RSPO2: variants seen among roughly 807,000 people sequenced by gnomAD.
RSPO2 encodes R-spondin 2, also known as R-spondin-2.
RSPO2 carries 14 observed loss-of-function variants against 30.9 expected under a neutral mutation model. The ratio of observed to expected loss-of-function variants is 0.45; its 90% CI spans 0.30 to 0.71. RSPO2 has a LOEUF of 0.71. RSPO2 is among the 30% of genes least tolerant of loss of function. The probability of loss-of-function intolerance (pLI) is 0.08; values close to 1 mark genes in which losing one functional copy is unlikely to be tolerated. For missense variants in RSPO2, 264 were observed against 301.9 expected (o/e 0.87, Z 0.93); for synonymous variants, 107 against 96.4 (o/e 1.11, Z -0.64).
chr8:107,969,469 A>T (rs1242391229), intron 3 of RSPO2, among the ~76,000 whole-genome samples: 1 of 152,182 alleles, frequency 6.6e-6, no homozygotes, highest in East Asian at 1.9e-4. Context: ...TTTAAATGTT[A>T]TATCTTGCCC....
At chr8:107,905,062 C>T (rs1328372265) in intron 5 of RSPO2, among the ~76,000 whole-genome samples, 1 of 152,076 alleles carries the variant, frequency 6.6e-6, no homozygotes, top group Non-Finnish European at 1.5e-5. Flanking sequence ...AAGATATAGG[C>T]AGACTCACAA....
intron 4 of RSPO2, 24 bp from the exon 5 acceptor site, chr8:107,958,292 A>G: frequency 1.9e-6 from 3 of 1,564,064 alleles, no homozygotes; most frequent in Non-Finnish European, 1.8e-6. Flanking sequence ...TTAGAAAAAG[A>G]AAAAAAAACA....
intron 2 of RSPO2, among the ~76,000 whole-genome samples, chr8:108,066,040 AAAAAAAAG>A (rs1324523924): frequency 3.3e-5 from 5 of 151,952 alleles, no homozygotes; most frequent in African/African-American, 1.2e-4. Flanking sequence ...ACTCCATCTC[AAAAAAAAG>A]AAAAAAAGAA....
chr8:108,049,746 T>C (rs977354367), intron 2 of RSPO2, among the ~76,000 whole-genome samples: 5 of 152,186 alleles, frequency 3.3e-5, no homozygotes, highest in Non-Finnish European at 7.3e-5. Context: ...TTCTTTTTTA[T>C]GGCTACATAG....
chr8:107,920,000 G>A (rs1240470971), intron 5 of RSPO2, among the ~76,000 whole-genome samples: 2 of 152,030 alleles, frequency 1.3e-5, no homozygotes, highest in East Asian at 1.9e-4. Flanking sequence ...CACAAAATAA[G>A]GTGAAATAAA....
chr8:108,025,506 A>C (rs1811190113), intron 2 of RSPO2, among the ~76,000 whole-genome samples: 1 of 152,196 alleles, frequency 6.6e-6, no homozygotes, highest in Non-Finnish European at 1.5e-5. Context: ...TAAGTAAACA[A>C]GGACAAGGAA....
chr8:108,010,949 T>A (rs1457554124), intron 2 of RSPO2, among the ~76,000 whole-genome samples: 1 of 151,616 alleles, frequency 6.6e-6, no homozygotes, highest in Non-Finnish European at 1.5e-5. Context: ...AGCAATATAG[T>A]GTGACCTTGT....
At chr8:108,036,245 A>T (rs1010104033) in intron 2 of RSPO2, among the ~76,000 whole-genome samples, 2 of 152,218 alleles carry the variant, frequency 1.3e-5, no homozygotes, top group Middle Eastern at 6.3e-3. Flanking sequence ...ATGCTTATTT[A>T]CCATTCCAAA....
chr8:107,959,417 G>A (rs1813548037), intron 4 of RSPO2, among the ~76,000 whole-genome samples: 2 of 152,170 alleles, frequency 1.3e-5, no homozygotes, highest in Admixed American at 1.3e-4. Flanking sequence ...AAAAGGATAA[G>A]GGTATACAAA....
intron 2 of RSPO2, among the ~76,000 whole-genome samples, chr8:108,038,444 G>C (rs1811659732): frequency 6.6e-6 from 1 of 152,196 alleles, no homozygotes; most frequent in Non-Finnish European, 1.5e-5. Flanking sequence ...AGATGATTTA[G>C]AATATTACAT....
intron 5 of RSPO2, among the ~76,000 whole-genome samples, chr8:107,936,278 A>AT (rs1015205865): frequency 2.6e-4 from 40 of 152,200 alleles, no homozygotes; most frequent in African/African-American, 9.1e-4. Context: ...TGATGATTTC[A>AT]TTTTTTATAG....
intron 2 of RSPO2, among the ~76,000 whole-genome samples, chr8:107,999,943 T>C (rs180873307): frequency 5.0e-4 from 76 of 152,240 alleles, no homozygotes; most frequent in Admixed American, 4.4e-3. Flanking sequence ...GGATTAACTA[T>C]GGCCATAGCA....
At chr8:108,075,527 A>G (rs1470835925) in intron 2 of RSPO2, among the ~76,000 whole-genome samples, 2 of 151,888 alleles carry the variant, frequency 1.3e-5, no homozygotes, top group African/African-American at 2.4e-5. Context: ...TTTCCCTACC[A>G]TACCCACAAA....
chr8:107,949,270 T>G (rs1044914731), intron 5 of RSPO2, among the ~76,000 whole-genome samples: 11 of 152,306 alleles, frequency 7.2e-5, no homozygotes, highest in African/African-American at 2.6e-4. Context: ...GTTTTTTGTT[T>G]CTGAGTTACT....
At chr8:107,977,479 T>A (rs954641891) in intron 3 of RSPO2, among the ~76,000 whole-genome samples, 2 of 152,196 alleles carry the variant, frequency 1.3e-5, no homozygotes, top group African/African-American at 4.8e-5. Context: ...CAAAGCAGTA[T>A]GTGTCAACAA....
chr8:108,082,932 A>AT (rs1813258395), intron 1 of RSPO2, 125 bp from the exon 2 acceptor site: 1 of 382,482 alleles, frequency 2.6e-6, no homozygotes, highest in Non-Finnish European at 4.7e-6. Context: ...ACTGCCTAGC[A>AT]CGAGCCGCGG....
At chr8:108,037,262 A>G (rs1028446343) in intron 2 of RSPO2, among the ~76,000 whole-genome samples, 2 of 152,230 alleles carry the variant, frequency 1.3e-5, no homozygotes, top group African/African-American at 4.8e-5. Flanking sequence ...TGAAACAGCC[A>G]TATTACCGAT....
chr8:108,064,487 C>A (rs1188592104), intron 2 of RSPO2, among the ~76,000 whole-genome samples: 13 of 152,278 alleles, frequency 8.5e-5, no homozygotes, highest in South Asian at 2.1e-4. Flanking sequence ...CATCTCACAC[C>A]ATTTAGAATG....
At chr8:108,081,878 A>G (rs1813210556) in intron 2 of RSPO2, 2 of 983,144 alleles carry the variant, frequency 2.0e-6, no homozygotes. Context: ...TCTGGAGGCG[A>G]GGACTCCCCA....
Sources: allele counts gnomAD v4.1 joint callset (sites outside exome capture counted in the v4.1 genomes callset), GRCh38; gene constraint gnomAD v4.1.1; transcripts MANE v1.5; gene names NCBI Gene and HGNC (gene_info 2026-07-23, HGNC 2026-07-21).